ITFG1: variants seen among roughly 807,000 people sequenced by gnomAD.
ITFG1 encodes the protein integrin alpha FG-GAP repeat containing 1, also known as T-cell immunomodulatory protein.
In ITFG1, 34 loss-of-function variants were observed where a neutral mutation model predicts 81.8. The ratio of observed to expected loss-of-function variants is 0.42; its 90% CI spans 0.32 to 0.55. The LOEUF (loss-of-function observed/expected upper bound fraction) is 0.55, where lower values mean the gene tolerates loss of function less well. ITFG1 is among the 20% of genes least tolerant of loss of function. The probability of loss-of-function intolerance (pLI) is 0.17; values close to 1 mark genes in which losing one functional copy is unlikely to be tolerated. For missense variants in ITFG1, 672 were observed against 755.4 expected, an observed-to-expected ratio of 0.89 and a Z score of 1.29; for synonymous variants, 285 against 270.6, an observed-to-expected ratio of 1.05 and a Z score of -0.52.
intron 13 of ITFG1, among the ~76,000 whole-genome samples, chr16:47,226,788 C>T (rs902164169): frequency 1.3e-5 from 2 of 151,964 alleles, no homozygotes; most frequent in Non-Finnish European, 2.9e-5. Flanking sequence ...AATATGCTAT[C>T]TTCTATTACA....
chr16:47,263,346 A>G (rs759350403), intron 10 of ITFG1: 31 of 479,590 alleles, frequency 6.5e-5, no homozygotes, highest in Admixed American at 5.4e-4. Flanking sequence ...GATCTGGCCC[A>G]TGAGGTAAGC....
chr16:47,373,906 G>T (rs954125916), intron 7 of ITFG1, among the ~76,000 whole-genome samples: 1 of 152,118 alleles, frequency 6.6e-6, no homozygotes, highest in African/African-American at 2.4e-5. Context: ...AATTGAAAAT[G>T]ATCATTCATT....
intron 5 of ITFG1, among the ~76,000 whole-genome samples, chr16:47,445,690 T>A (rs1969316207): frequency 6.6e-6 from 1 of 152,138 alleles, no homozygotes; most frequent in Non-Finnish European, 1.5e-5. Flanking sequence ...CAAGAGAATA[T>A]AAAAGAAATG....
chr16:47,207,374 G>A (rs1318157469), intron 14 of ITFG1, among the ~76,000 whole-genome samples: 2 of 152,168 alleles, frequency 1.3e-5, no homozygotes, highest in South Asian at 4.1e-4. Context: ...GTGAGCCACC[G>A]CGCCCGGCCT....
intron 10 of ITFG1, among the ~76,000 whole-genome samples, chr16:47,308,756 T>G (rs998856823): frequency 1.3e-5 from 2 of 152,242 alleles, no homozygotes; most frequent in Admixed American, 6.5e-5. Flanking sequence ...CTCAGACTTC[T>G]GAGTGTGCTT....
At chr16:47,276,431 C>A (rs1445310767) in intron 10 of ITFG1, among the ~76,000 whole-genome samples, 1 of 152,070 alleles carries the variant, frequency 6.6e-6, no homozygotes, top group East Asian at 1.9e-4. Context: ...TTCAACATCA[C>A]AAATAGTTCC....
At chr16:47,436,615 A>C (rs1969170303) in intron 5 of ITFG1, among the ~76,000 whole-genome samples, 1 of 152,208 alleles carries the variant, frequency 6.6e-6, no homozygotes, top group Non-Finnish European at 1.5e-5. Context: ...AAATGCTAAG[A>C]AATCTTGCTC....
intron 7 of ITFG1, among the ~76,000 whole-genome samples, chr16:47,372,265 G>A (rs1268945967): frequency 6.6e-6 from 1 of 151,882 alleles, no homozygotes; most frequent in African/African-American, 2.4e-5. Flanking sequence ...TTAATATAGA[G>A]ATGAGGTCTT....
At chr16:47,176,406 A>G (rs1567414144) in intron 14 of ITFG1, among the ~76,000 whole-genome samples, 1 of 152,236 alleles carries the variant, frequency 6.6e-6, no homozygotes, top group Non-Finnish European at 1.5e-5. Context: ...GAGAACGGCA[A>G]GCTGGATAAT....
chr16:47,311,634 C>G (rs1318427183), intron 9 of ITFG1, among the ~76,000 whole-genome samples: 1 of 151,794 alleles, frequency 6.6e-6, no homozygotes, highest in African/African-American at 2.4e-5. Flanking sequence ...TCATTTTTGT[C>G]TGAACTGGCA....
chr16:47,248,267 A>G (rs1164178744), intron 12 of ITFG1, among the ~76,000 whole-genome samples: 3 of 152,204 alleles, frequency 2.0e-5, no homozygotes, highest in South Asian at 2.1e-4. Flanking sequence ...GACCAGCAGA[A>G]GCAGGCAGAG....
At chr16:47,296,584 C>T (rs931063172) in intron 10 of ITFG1, among the ~76,000 whole-genome samples, 5 of 152,200 alleles carry the variant, frequency 3.3e-5, no homozygotes, top group East Asian at 1.9e-4. Context: ...TACAGGTACA[C>T]GCCATCACGT....
At chr16:47,271,781 C>A (rs1222743234) in intron 10 of ITFG1, among the ~76,000 whole-genome samples, 3 of 152,190 alleles carry the variant, frequency 2.0e-5, no homozygotes, top group African/African-American at 4.8e-5. Context: ...ATGGTGTGAA[C>A]CCGGGAGGCA....
intron 6 of ITFG1, among the ~76,000 whole-genome samples, chr16:47,389,534 A>G (rs987426501): frequency 2.0e-5 from 3 of 152,228 alleles, no homozygotes; most frequent in Non-Finnish European, 4.4e-5. Flanking sequence ...TATAATAAAC[A>G]TTGTAAATAA....
chr16:47,320,141 A>G (rs1967427060), intron 8 of ITFG1, among the ~76,000 whole-genome samples: 1 of 152,254 alleles, frequency 6.6e-6, no homozygotes, highest in African/African-American at 2.4e-5. Flanking sequence ...GGTTACACCA[A>G]TACCTCAATT....
intron 6 of ITFG1, among the ~76,000 whole-genome samples, chr16:47,405,446 G>A (rs1968716657): frequency 6.6e-6 from 1 of 152,096 alleles, no homozygotes; most frequent in South Asian, 2.1e-4. Flanking sequence ...TTTCCCAGTT[G>A]TCTTAAAAAT....
At chr16:47,273,786 G>GTTTA (rs1172707211) in intron 10 of ITFG1, among the ~76,000 whole-genome samples, 1 of 151,408 alleles carries the variant, frequency 6.6e-6, no homozygotes, top group African/African-American at 2.4e-5. Flanking sequence ...CTATTAGTTT[G>GTTTA]TTTGTTTATT....
chr16:47,421,115 A>G (rs1483879748), intron 6 of ITFG1, among the ~76,000 whole-genome samples: 1 of 151,842 alleles, frequency 6.6e-6, no homozygotes. Context: ...TTCACCCCTT[A>G]GCTTTCAGTC....
intron 10 of ITFG1, among the ~76,000 whole-genome samples, chr16:47,264,142 C>CA (rs912411210): frequency 3.1e-4 from 47 of 152,160 alleles, no homozygotes; most frequent in African/African-American, 1.1e-3. Flanking sequence ...TTTAAAAAGT[C>CA]AAAATCCTTC....
Sources: allele counts gnomAD v4.1 joint callset (sites outside exome capture counted in the v4.1 genomes callset), GRCh38; gene constraint gnomAD v4.1.1; transcripts MANE v1.5; gene names NCBI Gene and HGNC (gene_info 2026-07-23, HGNC 2026-07-21).